The following SMPDL3A variants were observed in gnomAD, a reference collection of about 807,000 sequenced individuals.
The protein encoded by SMPDL3A is sphingomyelin phosphodiesterase acid like 3A.
SMPDL3A carries 39 observed loss-of-function variants against 38.5 expected under a neutral mutation model. The observed-to-expected ratio is 1.01, with a 90% confidence interval of 0.78 to 1.32. The LOEUF (loss-of-function observed/expected upper bound fraction) is 1.32, where lower values mean the gene tolerates loss of function less well. Ranked by LOEUF, SMPDL3A falls within the 40% of genes most tolerant of loss-of-function variation. SMPDL3A has a pLI of 0.00. For missense variants in SMPDL3A, 502 were observed against 536.2 expected, an observed-to-expected ratio of 0.94 and a Z score of 0.63; for synonymous variants, 180 against 194.3, an observed-to-expected ratio of 0.93 and a Z score of 0.61.
intron 1 of SMPDL3A, 48 bp downstream of exon 1, chr6:122,789,506 G>C: frequency 1.4e-6 from 2 of 1,473,280 alleles, no homozygotes; most frequent in Non-Finnish European, 1.9e-6. Flanking sequence ...AGAGCGCGGA[G>C]CGGCGGCGCC....
chr6:122,789,578 G>A, intron 1 of SMPDL3A, 120 bp downstream of exon 1: 1 of 953,270 alleles, frequency 1.0e-6, no homozygotes, highest in Non-Finnish European at 1.6e-6. Context: ...GGGCTAGCGG[G>A]GCCCCTGACG....
chr6:122,803,941 G>T, intron 5 of SMPDL3A, 108 bp downstream of exon 5: 1 of 873,524 alleles, frequency 1.1e-6, no homozygotes, highest in Non-Finnish European at 1.7e-6. Context: ...ATAATTTGAA[G>T]ATTTTTTTTG....
chr6:122,803,696 C>T lies in SMPDL3A; in HGVS notation c.601C>T (p.Pro201Ser). 6.2e-7 allele frequency: 1 copy of T among 1,613,338 alleles called. No homozygotes were observed. The highest frequency in any genetic ancestry group is 1.7e-5 in the Admixed American group (1 of 59,884). Residue 201 changes from proline to serine, a missense_variant, in exon 5 of 8, where the codon CCA becomes TCA. Transcript: ENST00000368440. Reference protein sequence around the residue: ...GFYSQKVTTNPNLRIISLNTN... With the variant: ...GFYSQKVTTNSNLRIISLNTN... ...TTATTCACAGAAAGTTACAACTAAT[C>T]CAAACCTTAGGATCATCAGTCTAAA... is the stretch of plus-strand genomic sequence containing the variant.
intron 3 of SMPDL3A, 120 bp downstream of exon 3, chr6:122,797,088 G>A (rs1224594679): frequency 4.1e-6 from 3 of 727,854 alleles, no homozygotes; most frequent in Non-Finnish European, 6.7e-6. Flanking sequence ...GGAGAATATG[G>A]TCTTAATCCT....
chr6:122,798,217 A>G (rs948902302), intron 3 of SMPDL3A, among the ~76,000 whole-genome samples: 3 of 152,164 alleles, frequency 2.0e-5, no homozygotes, highest in East Asian at 1.9e-4. Context: ...CTGGCCTACT[A>G]TCTTGAGATG....
intron 5 of SMPDL3A, 89 bp from the exon 6 acceptor site, chr6:122,804,820 A>G (rs1041257715): frequency 1.3e-5 from 14 of 1,063,500 alleles, no homozygotes; most frequent in Non-Finnish European, 1.9e-5. Context: ...TAATTAATAT[A>G]CTTTCAATCT....
chr6:122,789,596 C>T, intron 1 of SMPDL3A, 138 bp downstream of exon 1: 1 of 853,830 alleles, frequency 1.2e-6, no homozygotes, highest in South Asian at 1.6e-5. Flanking sequence ...ACGCGTCCGG[C>T]GTTGACCACG....
chr6:122,807,191 G>A (rs530746626), intron 7 of SMPDL3A, among the ~76,000 whole-genome samples: 1 of 152,092 alleles, frequency 6.6e-6, no homozygotes, highest in African/African-American at 2.4e-5. Context: ...GTGAGCCACT[G>A]GGCACACCCA....
chr6:122,803,877 A>G, intron 5 of SMPDL3A, 44 bp downstream of exon 5: 2 of 1,551,248 alleles, frequency 1.3e-6, no homozygotes, highest in South Asian at 1.2e-5. Flanking sequence ...AACGGAAGGC[A>G]AAATTTGTAT....
chr6:122,798,489 C>T (rs907804970), intron 3 of SMPDL3A, among the ~76,000 whole-genome samples: 8 of 152,200 alleles, frequency 5.3e-5, no homozygotes, highest in Non-Finnish European at 8.8e-5. Context: ...CCCAGCCCTG[C>T]TTTTAATAGC....
chr6:122,791,322 G>A (rs1175012002), intron 1 of SMPDL3A, among the ~76,000 whole-genome samples: 1 of 152,128 alleles, frequency 6.6e-6, no homozygotes, highest in East Asian at 1.9e-4. Flanking sequence ...TACTGTTAAA[G>A]CAAACTAAAT....
At chr6:122,804,459 A>T (rs563018005) in intron 5 of SMPDL3A, among the ~76,000 whole-genome samples, 2 of 150,238 alleles carry the variant, frequency 1.3e-5, no homozygotes, top group East Asian at 3.9e-4. Context: ...GTGCGCCACC[A>T]CTCCTGGCTA....
At chr6:122,796,782 ATG>A in intron 2 of SMPDL3A, 40 bp from the exon 3 acceptor site, 1 of 1,582,980 alleles carries the variant, frequency 6.3e-7, no homozygotes, top group South Asian at 1.1e-5. Flanking sequence ...GTAACTCTTT[ATG>A]AAACTGATTT....
chr6:122,797,045 T>C, intron 3 of SMPDL3A, 77 bp downstream of exon 3: 1 of 1,215,660 alleles, frequency 8.2e-7, no homozygotes, highest in East Asian at 2.3e-5. Context: ...AATAACTAGC[T>C]AGTGATAGGG....
chr6:122,801,459 T>G, intron 4 of SMPDL3A, 53 bp downstream of exon 4: 1 of 1,271,908 alleles, frequency 7.9e-7, no homozygotes, highest in Non-Finnish European at 1.1e-6. Flanking sequence ...ATTCATGTTA[T>G]TTAGACTTAA....
chr6:122,807,081 T>TA (rs968824322), intron 7 of SMPDL3A, among the ~76,000 whole-genome samples: 2 of 140,236 alleles, frequency 1.4e-5, no homozygotes, highest in African/African-American at 5.3e-5. Context: ...ATTGTAGAGA[T>TA]GGGGGGGGGG....
In SMPDL3A at chr6:122,795,671, C is replaced by T; in HGVS notation, c.113-6C>T. On this transcript the variant is annotated splice_region_variant and splice_polypyrimidine_tract_variant and intron_variant, in intron 1 of 7. Coordinates refer to ENST00000368440, the MANE Select transcript of SMPDL3A (RefSeq NM_006714.5). The stretch of plus-strand genomic sequence containing the variant: ...GATTTATCTGCATTTTTTGTGTAAT[C>T]AACAGGACAGTTTTGGCATGTGACT... 1 of 1,607,686 alleles carries T rather than the reference C, an allele frequency of 6.2e-7. No homozygotes were observed. The highest frequency in any genetic ancestry group is 8.5e-7 in the Non-Finnish European group (1 of 1,175,878).
At chr6:122,803,330 G>A (rs182321729) in intron 4 of SMPDL3A, among the ~76,000 whole-genome samples, 48 of 152,302 alleles carry the variant, frequency 3.2e-4, no homozygotes, top group Admixed American at 1.8e-3. Flanking sequence ...AATCATAAAA[G>A]TAGAAGTTGA....
At chr6:122,802,538 G>C (rs2317343) in intron 4 of SMPDL3A, among the ~76,000 whole-genome samples, 2 of 152,034 alleles carry the variant, frequency 1.3e-5, no homozygotes, top group Non-Finnish European at 1.5e-5. Flanking sequence ...TACAAGACAC[G>C]TGGAGAGCTT....
Sources: allele counts gnomAD v4.1 joint callset (sites outside exome capture counted in the v4.1 genomes callset), GRCh38; gene constraint gnomAD v4.1.1; transcripts MANE v1.5; gene names NCBI Gene and HGNC (gene_info 2026-07-23, HGNC 2026-07-21).